Variants in CNNM2 observed in about 807,000 individuals in gnomAD.
CNNM2 encodes the protein metal transporter CNNM2.
A neutral mutation model predicts 66.9 loss-of-function variants in CNNM2; 12 were observed. That is an observed-to-expected ratio of 0.18 (90% CI 0.11 to 0.29). The LOEUF is 0.29. CNNM2 is among the 10% of genes least tolerant of loss of function. CNNM2 has a pLI of 1.00. For missense variants in CNNM2, 705 were observed against 1,167.7 expected (o/e 0.60, Z 5.77); for synonymous variants, 557 against 501.8 (o/e 1.11, Z -1.47).
intron 1 of CNNM2, among the ~76,000 whole-genome samples, chr10:103,002,814 G>C (rs2064148153): frequency 6.6e-6 from 1 of 152,114 alleles, no homozygotes; most frequent in South Asian, 2.1e-4. Context: ...AGGTAATGTG[G>C]AATGGTCTAA....
intron 1 of CNNM2, among the ~76,000 whole-genome samples, chr10:102,950,575 A>G (rs1261933640): frequency 6.6e-6 from 1 of 152,058 alleles, no homozygotes; most frequent in East Asian, 1.9e-4. Flanking sequence ...CAGCCTGGAC[A>G]ATAAAGCTGA....
intron 1 of CNNM2, among the ~76,000 whole-genome samples, chr10:102,970,938 C>A (rs2063537566): frequency 6.6e-6 from 1 of 151,896 alleles, no homozygotes; most frequent in Admixed American, 6.6e-5. Flanking sequence ...TGCCTATAAT[C>A]CCAACACTTT....
chr10:103,025,904 A>C (rs1416886558), intron 1 of CNNM2, among the ~76,000 whole-genome samples: 3 of 152,196 alleles, frequency 2.0e-5, no homozygotes, highest in Non-Finnish European at 4.4e-5. Flanking sequence ...TCATGTGGCG[A>C]AACTTAATCT....
At chr10:103,010,178 A>T (rs1438057133) in intron 1 of CNNM2, among the ~76,000 whole-genome samples, 1 of 152,188 alleles carries the variant, frequency 6.6e-6, no homozygotes, top group African/African-American at 2.4e-5. Flanking sequence ...AAACATGTTC[A>T]TATACAAGAG....
intron 1 of CNNM2, among the ~76,000 whole-genome samples, chr10:102,928,451 G>C (rs1017542976): frequency 4.6e-5 from 7 of 152,026 alleles, no homozygotes; most frequent in African/African-American, 1.7e-4. Context: ...CTGTGGTGGT[G>C]GGCGCCTGTA....
intron 1 of CNNM2, among the ~76,000 whole-genome samples, chr10:102,996,322 A>G (rs2064003667): frequency 6.6e-6 from 1 of 151,182 alleles, no homozygotes; most frequent in Admixed American, 6.6e-5. Context: ...GTATCCCTAT[A>G]TTCTGCCATC....
At chr10:103,064,433 G>A (rs12769942) in intron 4 of CNNM2, among the ~76,000 whole-genome samples, 11 of 152,128 alleles carry the variant, frequency 7.2e-5, no homozygotes, top group African/African-American at 1.9e-4. Flanking sequence ...TCACTATTTC[G>A]CCCAGGCTAG....
chr10:103,054,414 G>C lies in CNNM2; in HGVS notation c.1851G>C (p.Lys617Asn). 1 of 1,613,860 alleles carries C rather than the reference G, an allele frequency of 6.2e-7. No individual in the cohort carries two copies. Among genetic ancestry groups the C allele is most frequent in the Non-Finnish European group, 8.5e-7 (1 of 1,179,856 alleles). Residue 617 changes from lysine (K) to asparagine (N), a missense_variant, in exon 3 of 8, where the codon AAG (lysine) becomes AAC (asparagine). By Grantham distance (94) the Lys-to-Asn change is moderately conservative. Coordinates refer to ENST00000369878, the MANE Select transcript of CNNM2 (RefSeq NM_017649.5). This position sits in a 1 kb window ranked among gnomAD's most constrained non-coding sequence, Gnocchi z 5.2. ...TTAAGCAGACAGACAGTGAGATGAAGGTTAAAATATCACCACAGCTCCTCC... is the reference window on the plus strand; with the variant it reads ...TTAAGCAGACAGACAGTGAGATGAACGTTAAAATATCACCACAGCTCCTCC... The part of the protein sequence containing the change: ...SAFKQTDSEM[K>N]VKISPQLLLA...
At chr10:102,996,651 T>G (rs1316552643) in intron 1 of CNNM2, among the ~76,000 whole-genome samples, 4 of 152,144 alleles carry the variant, frequency 2.6e-5, no homozygotes, top group Non-Finnish European at 5.9e-5. Context: ...CCTACTATAT[T>G]CCAGCCTGGG....
chr10:102,957,030 G>A (rs534949361), intron 1 of CNNM2, among the ~76,000 whole-genome samples: 43 of 152,158 alleles, frequency 2.8e-4, no homozygotes, highest in African/African-American at 9.2e-4. Flanking sequence ...GGCTGGGCAC[G>A]GTGGCTCATG....
At chr10:103,052,284 A>C (rs530417076) in intron 2 of CNNM2, among the ~76,000 whole-genome samples, 18 of 150,152 alleles carry the variant, frequency 1.2e-4, no homozygotes, top group African/African-American at 3.8e-4. Context: ...CGTCTCAAAA[A>C]AAAAAACAAA....
At position 103,077,149 on chromosome 10, in the gene CNNM2, A is replaced by G. The variant is rs1446238681; in HGVS notation, c.2597A>G (p.Asn866Ser). 4.3e-6 allele frequency: 7 copies of G among 1,613,558 alleles called. No homozygotes were observed. The African/African-American group carries it at 9.3e-5, about 22-fold the overall frequency. ...AACTGTGTGACGCACAGTAAGGCCAACCACAGCCTGCACAACGAAGGCGCC... is the reference window on the plus strand; with the variant it reads ...AACTGTGTGACGCACAGTAAGGCCAGCCACAGCCTGCACAACGAAGGCGCC... ...EQNCVTHSKA[N>S]HSLHNEGAI The change falls in exon 8 of 8, where the codon AAC (asparagine) becomes AGC (serine). Residue 866 changes from asparagine (N) to serine (S), a missense_variant. Asn to Ser is a conservative substitution (Grantham distance 46). This residue lies in a region of CNNM2 where 194 missense variants were observed against 227.6 expected (regional missense o/e 0.85). Coordinates refer to ENST00000369878, the MANE Select transcript of CNNM2 (RefSeq NM_017649.5).
chr10:102,976,611 ATTTTTTTTTTTTTTT>A (rs66498944), intron 1 of CNNM2, among the ~76,000 whole-genome samples: 9 of 59,448 alleles, frequency 1.5e-4, no homozygotes, highest in East Asian at 3.6e-4. Context: ...CGCCCAGGTA[ATTTTTTTTTTTTTTT>A]TTTTTTTTTT....
chr10:102,942,350 A>G (rs955258472), intron 1 of CNNM2, among the ~76,000 whole-genome samples: 3 of 152,128 alleles, frequency 2.0e-5, no homozygotes, highest in African/African-American at 4.8e-5. Context: ...ATGGCAACCA[A>G]TGTTCTACTT....
Position 103,085,301 on chromosome 10 carries a change from T to C in CNNM2, c.*8121T>C, listed in dbSNP as rs1230954317. On this transcript the variant is annotated 3_prime_UTR_variant, in exon 8 of 8. Transcript: ENST00000369878. ...GTCAGTGGGTCCAAAAAGTGACTTG[T>C]TTAAAGATACCCACACACTCAAGTC... 6.6e-6 allele frequency: 1 copy of C among 152,186 alleles called. No homozygotes were observed. Among genetic ancestry groups the C allele is most frequent in the African/African-American group, 2.4e-5 (1 of 41,440 alleles). The allele number at this position is 152,186 out of a possible 1,614,324, so 9.4% of individuals were successfully genotyped here.
At chr10:103,021,271 T>C (rs779841890) in intron 1 of CNNM2, among the ~76,000 whole-genome samples, 8 of 151,944 alleles carry the variant, frequency 5.3e-5, no homozygotes, top group Non-Finnish European at 1.0e-4. Flanking sequence ...GAGTGGAGAA[T>C]GTAAGGAAAC....
chr10:103,021,375 C>G (rs548629164), intron 1 of CNNM2, among the ~76,000 whole-genome samples: 2 of 152,104 alleles, frequency 1.3e-5, no homozygotes, highest in Non-Finnish European at 2.9e-5. Context: ...AGAGTCCCGT[C>G]GAATGTGTGT....
In CNNM2 at chr10:103,089,334, C is replaced by CTCTT. The variant is rs531971597; in HGVS notation, c.*12157_*12160dup. On this transcript the variant is annotated 3_prime_UTR_variant, in exon 8 of 8. Transcript: ENST00000369878. ...TCCCACTCTTTGTTCCACTCTGAGA[C>CTCTT]TCTTTCCTTTTCCTCGTGTATCCAG... 1.4e-3 allele frequency: 359 copies of CTCTT among 254,028 alleles called. No individual in the cohort carries two copies. Among genetic ancestry groups the CTCTT allele is most frequent in the Non-Finnish European group, 2.2e-3 (298 of 132,466 alleles). 15.7% of individuals were successfully genotyped at this position (254,028 alleles called of 1,614,324 possible).
Position 102,946,236 on chromosome 10 carries a change from G to A in CNNM2, c.1621+26135G>A, listed in dbSNP as rs1308824538. ...TAGGGCAGTCTCAAAGGAGGCCAGAGGCTGGGGGAGGGTCAGAACATTTTA... is the reference window on the plus strand; with the variant it reads ...TAGGGCAGTCTCAAAGGAGGCCAGAAGCTGGGGGAGGGTCAGAACATTTTA... On this transcript the variant is annotated intron_variant, in intron 1 of 7. Coordinates refer to ENST00000369878, the MANE Select transcript of CNNM2 (RefSeq NM_017649.5). 4.6e-5 allele frequency among the ~76,000 whole-genome samples: 7 copies of A among 152,302 alleles called. No individual in the cohort carries two copies. The South Asian group carries it at 8.3e-4, about 18-fold the overall frequency.
Sources: allele counts gnomAD v4.1 joint callset (sites outside exome capture counted in the v4.1 genomes callset), GRCh38; gene constraint gnomAD v4.1.1; regional missense constraint gnomAD v4.1.1; non-coding constraint Gnocchi (gnomAD v3.1); transcripts MANE v1.5; gene names NCBI Gene and HGNC (gene_info 2026-07-23, HGNC 2026-07-21).